The following MTMR7 variants were observed in gnomAD, a reference collection of about 807,000 sequenced individuals.
The protein encoded by MTMR7 is phosphatidylinositol-3-phosphate phosphatase MTMR7.
MTMR7 carries 76 observed loss-of-function variants against 81.2 expected under a neutral mutation model. The observed-to-expected ratio is 0.94, with a 90% CI of 0.78 to 1.13. The LOEUF is 1.13. Among genes scored for constraint, MTMR7 ranks in the 50% most tolerant of loss-of-function variants. MTMR7 has a pLI of 0.00. For synonymous variants in MTMR7, 372 were observed against 289.8 expected (o/e 1.28, Z -2.88); for missense variants, 1,044 against 820.0 (o/e 1.27, Z -3.34).
chr8:17,300,932 G>C (rs183710193), intron 13 of MTMR7, among the ~76,000 whole-genome samples: 9 of 152,144 alleles, frequency 5.9e-5, no homozygotes, highest in African/African-American at 2.2e-4. Context: ...TTCATTCATG[G>C]TACAGCATGT....
intron 7 of MTMR7, among the ~76,000 whole-genome samples, chr8:17,323,373 A>C (rs766454422): frequency 6.6e-6 from 1 of 152,154 alleles, no homozygotes; most frequent in Non-Finnish European, 1.5e-5. Flanking sequence ...AAAATAGAGA[A>C]TAATTAAAAG....
chr8:17,325,199 G>A (rs1048022822), intron 7 of MTMR7, among the ~76,000 whole-genome samples: 1 of 151,948 alleles, frequency 6.6e-6, no homozygotes, highest in Non-Finnish European at 1.5e-5. Flanking sequence ...TGTGTCCGGG[G>A]CTCTTCCCTT....
At chr8:17,407,138 T>C (rs555269748) in intron 1 of MTMR7, among the ~76,000 whole-genome samples, 5 of 152,186 alleles carry the variant, frequency 3.3e-5, no homozygotes, top group South Asian at 2.1e-4. Flanking sequence ...AATAAAGCTA[T>C]TGAAATACAC....
chr8:17,320,723 G>A (rs543848209), intron 7 of MTMR7, among the ~76,000 whole-genome samples: 1 of 152,274 alleles, frequency 6.6e-6, no homozygotes, highest in Admixed American at 6.5e-5. Flanking sequence ...TTGTGACAGT[G>A]CCCAGCAATA....
intron 7 of MTMR7, among the ~76,000 whole-genome samples, chr8:17,328,715 T>C (rs1197148222): frequency 6.6e-6 from 1 of 152,238 alleles, no homozygotes; most frequent in Non-Finnish European, 1.5e-5. Context: ...AACTTAAAAA[T>C]TTTAAATAAA....
chr8:17,398,871 T>C (rs1304884995), intron 1 of MTMR7, among the ~76,000 whole-genome samples: 2 of 152,206 alleles, frequency 1.3e-5, no homozygotes, highest in Non-Finnish European at 2.9e-5. Context: ...TTTGCACGTC[T>C]GTTTGCTCAA....
chr8:17,361,114 C>G lies in MTMR7; in HGVS notation c.468+3G>C. The G allele has an allele frequency of 6.2e-7, 1 of 1,614,094 alleles. No homozygotes were observed. The highest frequency in any genetic ancestry group is 2.2e-5 in the East Asian group (1 of 44,868). ...CTTCAGTGTTTGGGTTTCACGCACT[C>G]ACTCTGTAGTCTCTATTCACATCGC... On this transcript the variant is annotated splice_donor_region_variant and intron_variant, in intron 4 of 13. Coordinates refer to ENST00000180173, the MANE Select transcript of MTMR7 (RefSeq NM_004686.5).
intron 9 of MTMR7, among the ~76,000 whole-genome samples, chr8:17,310,874 T>C (rs892442860): frequency 1.3e-5 from 2 of 152,098 alleles, no homozygotes; most frequent in South Asian, 2.1e-4. Context: ...AAGGAACTTA[T>C]ACCAGATTAG....
intron 12 of MTMR7, chr8:17,302,519 C>T: frequency 5.2e-6 from 2 of 387,052 alleles, no homozygotes; most frequent in South Asian, 8.6e-5. Context: ...TATGAATTAG[C>T]ACAGAATACA....
chr8:17,409,534 T>C (rs921956946), intron 1 of MTMR7, among the ~76,000 whole-genome samples: 1 of 152,212 alleles, frequency 6.6e-6, no homozygotes, highest in African/African-American at 2.4e-5. Flanking sequence ...CTGAATTTAT[T>C]TACTGCATGC....
At chr8:17,413,219 C>T (rs554715523) in intron 1 of MTMR7, 50 bp downstream of exon 1, 1 of 1,540,426 alleles carries the variant, frequency 6.5e-7, no homozygotes, top group South Asian at 1.2e-5. Flanking sequence ...CCCTCCTCCT[C>T]CTCCCCCATC....
At chr8:17,351,655 C>T (rs910133058) in intron 4 of MTMR7, among the ~76,000 whole-genome samples, 3 of 152,210 alleles carry the variant, frequency 2.0e-5, no homozygotes, top group African/African-American at 4.8e-5. Flanking sequence ...AACACAATAC[C>T]AGTTATGAGG....
chr8:17,371,076 G>A lies in MTMR7; in HGVS notation c.271C>T (p.His91Tyr). The A allele has an allele frequency of 6.2e-7, 1 of 1,614,092 alleles. No homozygotes were observed. Among genetic ancestry groups the A allele is most frequent in the South Asian group, 1.1e-5 (1 of 91,046 alleles). Residue 91 changes from histidine (H) to tyrosine (Y), a missense_variant, in exon 3 of 14, where the codon CAC becomes TAC. By Grantham distance (83) the His-to-Tyr change is moderately conservative. Coordinates refer to ENST00000180173, the MANE Select transcript of MTMR7 (RefSeq NM_004686.5). ...QLIIPQERDCHDVYISLIRLA... is the reference protein window; with the variant it reads ...QLIIPQERDCYDVYISLIRLA... The stretch of plus-strand genomic sequence containing the variant: ...CGTATCAGGGAGATGTACACGTCGT[G>A]GCAATCTCTTTCCTGAGGTATGATG...
At chr8:17,402,651 A>C (rs931109795) in intron 1 of MTMR7, among the ~76,000 whole-genome samples, 2 of 152,132 alleles carry the variant, frequency 1.3e-5, no homozygotes, top group African/African-American at 2.4e-5. Flanking sequence ...TTTTCTTTAT[A>C]CATTCGTCTG....
chr8:17,382,769 T>C (rs981341182), intron 1 of MTMR7, among the ~76,000 whole-genome samples: 1 of 152,196 alleles, frequency 6.6e-6, no homozygotes, highest in Non-Finnish European at 1.5e-5. Context: ...AGTCCTTTTT[T>C]TCTCAATGTT....
At chr8:17,335,984 G>C (rs1038268029) in intron 6 of MTMR7, among the ~76,000 whole-genome samples, 3 of 152,154 alleles carry the variant, frequency 2.0e-5, no homozygotes, top group Non-Finnish European at 4.4e-5. Context: ...GGGAGGATGG[G>C]TGCAGAGGAG....
At chr8:17,402,384 T>C (rs925509689) in intron 1 of MTMR7, among the ~76,000 whole-genome samples, 1 of 152,200 alleles carries the variant, frequency 6.6e-6, no homozygotes, top group Non-Finnish European at 1.5e-5. Flanking sequence ...CAATTGCCAC[T>C]ATCCGCCCTC....
At chr8:17,348,166 T>A (rs1414152875) in intron 5 of MTMR7, among the ~76,000 whole-genome samples, 1 of 152,140 alleles carries the variant, frequency 6.6e-6, no homozygotes. Flanking sequence ...ATAAATAATA[T>A]TTTAAAAATA....
chr8:17,363,251 C>T (rs1820113401), intron 3 of MTMR7, among the ~76,000 whole-genome samples: 1 of 152,224 alleles, frequency 6.6e-6, no homozygotes, highest in African/African-American at 2.4e-5. Flanking sequence ...ATGACTCAGG[C>T]TTCTGCTACC....
Sources: gnomAD v4.1 joint callset for allele counts (sites outside exome capture counted in the v4.1 genomes callset) on GRCh38, gnomAD v4.1.1 for gene constraint, MANE v1.5 for transcripts, NCBI Gene and HGNC (gene_info 2026-07-23, HGNC 2026-07-21) for gene names.